The following ARAP1 variants were observed in gnomAD, a reference collection of about 807,000 sequenced individuals.
ARAP1 encodes the protein arf-GAP with Rho-GAP domain, ANK repeat and PH domain-containing protein 1.
A neutral mutation model predicts 172.2 loss-of-function variants in ARAP1; 76 were observed. The ratio of observed to expected loss-of-function variants is 0.44; its 90% CI spans 0.37 to 0.53. ARAP1 has a LOEUF of 0.53. Among genes scored for constraint, ARAP1 ranks in the 20% least tolerant of loss-of-function variants. The pLI, the probability that ARAP1 is intolerant of heterozygous loss-of-function variation, is 0.00. For missense variants in ARAP1, 1,686 were observed against 1,977.5 expected, an observed-to-expected ratio of 0.85 and a Z score of 2.80; for synonymous variants, 804 against 803.3, an observed-to-expected ratio of 1.00 and a Z score of -0.01.
At chr11:72,746,691 G>GC (rs1858378538) in intron 1 of ARAP1, among the ~76,000 whole-genome samples, 1 of 126,936 alleles carries the variant, frequency 7.9e-6, no homozygotes, top group African/African-American at 2.9e-5. Context: ...CCTCTCACCT[G>GC]CCCAATTTGG....
rs1287342319 is a variant in ARAP1 at position 72,699,195 on chromosome 11, C to T, written c.2439-88G>A. ...CACCATCAACCGCCATCCTCTGCCC[C>T]CTCCGCACTGCCTTGGCGCTTGTCC... On this transcript the variant is annotated intron_variant, in intron 17 of 34. Coordinates refer to ENST00000393609, the MANE Select transcript of ARAP1 (RefSeq NM_001040118.3). The surrounding 1 kb of genome is among the most constrained non-coding windows in gnomAD (Gnocchi z 4.2). 3 of 1,477,622 alleles carry T rather than the reference C, an allele frequency of 2.0e-6. No homozygotes were observed. Among genetic ancestry groups the T allele is most frequent in the Non-Finnish European group, 1.9e-6 (2 of 1,064,254 alleles). 91.5% of individuals were successfully genotyped at this position (1,477,622 alleles called of 1,614,324 possible).
chr11:72,688,353 C>T, intron 31 of ARAP1, 102 bp downstream of exon 31: 1 of 1,025,592 alleles, frequency 9.8e-7, no homozygotes, highest in Non-Finnish European at 1.5e-6. Context: ...AGAGCCCCTG[C>T]ACCTATCTCT....
chr11:72,688,601 C>T lies in ARAP1; in HGVS notation c.3988-64G>A, dbSNP rs558991896. ...AGAAAGGGCACTGGGGCCGCTCTCCCGACTGGGCAGCTCCCTCTTCCAACT... is the reference window on the plus strand; with the variant it reads ...AGAAAGGGCACTGGGGCCGCTCTCCTGACTGGGCAGCTCCCTCTTCCAACT... On this transcript the variant is annotated intron_variant, in intron 30 of 34. Coordinates refer to ENST00000393609, the MANE Select transcript of ARAP1 (RefSeq NM_001040118.3). 58 of 1,397,696 alleles carry T rather than the reference C, an allele frequency of 4.1e-5. No homozygotes were observed. The African/African-American group carries it at 6.1e-4, about 15-fold the overall frequency. The allele number at this position is 1,397,696 out of a possible 1,614,324, so 86.6% of individuals were successfully genotyped here.
Position 72,727,129 on chromosome 11 carries a change from G to T in ARAP1, c.-1C>A, listed in dbSNP as rs758400175. 3.5e-5 allele frequency: 55 copies of T among 1,580,338 alleles called. 1 individual carries two copies. The South Asian group carries it at 6.2e-4, about 18-fold the overall frequency. On this transcript the variant is annotated 5_prime_UTR_variant, in exon 3 of 35. Transcript: ENST00000393609. ...GCGCAGCATCCCCAGCCTCTGCCAT[G>T]GTTCCTGCCAGCGGAGGCCTGACTG...
intron 1 of ARAP1, among the ~76,000 whole-genome samples, chr11:72,736,586 G>A (rs975854465): frequency 5.9e-5 from 9 of 151,974 alleles, no homozygotes; most frequent in East Asian, 1.9e-4. Flanking sequence ...ATCCTGTTGC[G>A]ACAGCACAGC....
intron 3 of ARAP1, among the ~76,000 whole-genome samples, chr11:72,718,936 G>T (rs538691676): frequency 6.6e-6 from 1 of 152,184 alleles, no homozygotes; most frequent in East Asian, 1.9e-4. Flanking sequence ...CTGTGTGTGC[G>T]TGTCTACGTG....
chr11:72,699,114 A>C lies in ARAP1; in HGVS notation c.2439-7T>G, dbSNP rs890576343. The C allele has an allele frequency of 6.2e-7, 1 of 1,613,952 alleles. No homozygotes were observed. The highest frequency in any genetic ancestry group is 2.2e-5 in the East Asian group (1 of 44,878). ...CTCAAAGGTGTGCTCAAAGCTGCAA[A>C]TACACAGGCCAGGACTCAGGCCCAC... On this transcript the variant is annotated splice_polypyrimidine_tract_variant and splice_region_variant and intron_variant, in intron 17 of 34. Transcript: ENST00000393609. The surrounding 1 kb of genome is among the most constrained non-coding windows in gnomAD (Gnocchi z 4.2).
intron 19 of ARAP1, 72 bp from the exon 20 acceptor site, chr11:72,697,721 G>GCA: frequency 2.5e-6 from 4 of 1,595,828 alleles, no homozygotes; most frequent in Non-Finnish European, 2.6e-6. Flanking sequence ...CCCTCTGTGA[G>GCA]CACACACACA....
intron 1 of ARAP1, among the ~76,000 whole-genome samples, chr11:72,743,492 G>C (rs34456669): frequency 6.6e-6 from 1 of 152,146 alleles, no homozygotes; most frequent in Non-Finnish European, 1.5e-5. Context: ...GGTTGGACTG[G>C]GAGGCCTTTG....
chr11:72,743,666 C>T (rs936400655), intron 1 of ARAP1, among the ~76,000 whole-genome samples: 29 of 152,148 alleles, frequency 1.9e-4, no homozygotes, highest in African/African-American at 6.0e-4. Flanking sequence ...CCCTCCATGG[C>T]AAGGCCTGTC....
At position 72,697,008 on chromosome 11, in the gene ARAP1, C is replaced by T. The variant is rs1313080375; in HGVS notation, c.3141G>A (p.Gln1047=). The T allele has an allele frequency of 1.9e-6, 3 of 1,607,670 alleles. No homozygotes were observed. In the South Asian group the frequency reaches 3.3e-5, roughly 18 times the overall value. Reference sequence around the variant, plus strand: ...CTGAGGCCTCCAGCCAGGTTAGGCGCTGGGCGCGAGTGAAGAGCCCATCAG... The same window carrying T: ...CTGAGGCCTCCAGCCAGGTTAGGCGTTGGGCGCGAGTGAAGAGCCCATCAG... ...DLPDGLFTRA[Q]RLTWLEASEI... The change falls in exon 22 of 35, where the codon CAG becomes CAA. Residue 1047 remains glutamine, a synonymous_variant. Transcript: ENST00000393609.
chr11:72,710,958 G>A lies in ARAP1; in HGVS notation c.1213+63C>T. On this transcript the variant is annotated intron_variant, in intron 9 of 34. Transcript: ENST00000393609. This position sits in a 1 kb window ranked among gnomAD's most constrained non-coding sequence, Gnocchi z 4.3. ...ACCATGACTCTCTTCCCCCTCCTCT[G>A]CCCAAACTTCCAGTCTTCTCTACCC... The A allele has an allele frequency of 2.2e-5, 36 of 1,604,866 alleles. No individual in the cohort carries two copies. Among genetic ancestry groups the A allele is most frequent in the Non-Finnish European group, 3.1e-5 (36 of 1,173,654 alleles).
At chr11:72,721,084 T>C (rs1016102660) in intron 3 of ARAP1, among the ~76,000 whole-genome samples, 70 of 152,242 alleles carry the variant, frequency 4.6e-4, no homozygotes, top group African/African-American at 1.5e-3. Flanking sequence ...AGGCCTGGCC[T>C]GGCCTGGCAG....
At chr11:72,744,837 G>A (rs1858305376) in intron 1 of ARAP1, among the ~76,000 whole-genome samples, 1 of 152,182 alleles carries the variant, frequency 6.6e-6, no homozygotes, top group African/African-American at 2.4e-5. Context: ...CCTGGTTCAT[G>A]TCCGTGGAAC....
chr11:72,688,956 C>T (rs116370187), intron 30 of ARAP1: 224 of 168,016 alleles, frequency 1.3e-3, no homozygotes, highest in African/African-American at 5.1e-3. Context: ...CAGAGAGCCT[C>T]GGTTGGCTGC....
chr11:72,695,114 G>T lies in ARAP1; in HGVS notation c.3577-17C>A, dbSNP rs1454086965. The T allele has an allele frequency of 1.2e-6, 2 of 1,612,316 alleles. No individual in the cohort carries two copies. The highest frequency in any genetic ancestry group is 1.7e-4 in the Middle Eastern group (1 of 6,056). ...TGCTGGGACCTGCAAGGACCAAGGA[G>T]GAGATTAGCCTGCCTGTGCCTAGCC... is the stretch of plus-strand genomic sequence containing the variant. On this transcript the variant is annotated splice_polypyrimidine_tract_variant and intron_variant, in intron 26 of 34. Coordinates refer to ENST00000393609, the MANE Select transcript of ARAP1 (RefSeq NM_001040118.3). This position sits in a 1 kb window ranked among gnomAD's most constrained non-coding sequence, Gnocchi z 4.4.
At position 72,695,375 on chromosome 11, in the gene ARAP1, C is replaced by T; in HGVS notation, c.3576+12G>A. The T allele has an allele frequency of 6.2e-7, 1 of 1,614,086 alleles. No homozygotes were observed. On this transcript the variant is annotated intron_variant, in intron 26 of 34. Coordinates refer to ENST00000393609, the MANE Select transcript of ARAP1 (RefSeq NM_001040118.3). This position sits in a 1 kb window ranked among gnomAD's most constrained non-coding sequence, Gnocchi z 4.4. ...TTCTCTAGCCCCTTGGCTTCTAGGT[C>T]CCAGCACCTACCTTGATATGCTGCT... is the stretch of plus-strand genomic sequence containing the variant.
At chr11:72,732,008 T>TTA (rs749898625) in intron 2 of ARAP1, among the ~76,000 whole-genome samples, 12 of 152,186 alleles carry the variant, frequency 7.9e-5, no homozygotes, top group South Asian at 4.1e-4. Flanking sequence ...TATACATATG[T>TTA]TATATATATA....
intron 23 of ARAP1, 110 bp downstream of exon 23, chr11:72,696,439 A>C (rs1856196279): frequency 1.3e-6 from 1 of 787,086 alleles, no homozygotes; most frequent in Non-Finnish European, 1.9e-6. Flanking sequence ...CACAGTCAGC[A>C]CTTGGTGCAA....
Sources: gnomAD v4.1 joint callset for allele counts (sites outside exome capture counted in the v4.1 genomes callset) on GRCh38, gnomAD v4.1.1 for gene constraint, Gnocchi (gnomAD v3.1) non-coding constraint, MANE v1.5 for transcripts, NCBI Gene and HGNC (gene_info 2026-07-23, HGNC 2026-07-21) for gene names.